The following BMPR1B variants were observed in gnomAD, a reference collection of about 807,000 sequenced individuals.
BMPR1B encodes the protein bone morphogenetic protein receptor type-1B.
Under a neutral mutation model 59.1 loss-of-function variants are expected in BMPR1B, and 12 were observed. The ratio of observed to expected loss-of-function variants is 0.20; its 90% CI spans 0.13 to 0.33. The LOEUF is 0.33. Ranked by LOEUF, BMPR1B falls within the 10% of genes least tolerant of loss-of-function variation. BMPR1B has a pLI of 1.00. For synonymous variants in BMPR1B, 237 were observed against 207.3 expected (o/e 1.14, Z -1.23); for missense variants, 550 against 610.9 (o/e 0.90, Z 1.05).
intron 1 of BMPR1B, among the ~76,000 whole-genome samples, chr4:94,785,402 G>A (rs999436574): frequency 1.7e-4 from 26 of 152,180 alleles, no homozygotes; most frequent in African/African-American, 6.0e-4. Context: ...TAGTCGTCAG[G>A]GAGCTGACAA....
At chr4:94,986,054 T>C in intron 2 of BMPR1B, among the ~76,000 whole-genome samples, 1 of 152,176 alleles carries the variant, frequency 6.6e-6, no homozygotes, top group East Asian at 1.9e-4. Flanking sequence ...GGGGGCAGTT[T>C]GTATATATTT....
At chr4:95,105,715 T>G (rs1216381561) in intron 4 of BMPR1B, among the ~76,000 whole-genome samples, 1 of 152,040 alleles carries the variant, frequency 6.6e-6, no homozygotes, top group East Asian at 1.9e-4. Flanking sequence ...AGAGGTCTAG[T>G]AACTTGACTC....
chr4:94,928,354 C>T (rs889415834), intron 2 of BMPR1B, among the ~76,000 whole-genome samples: 10 of 151,746 alleles, frequency 6.6e-5, no homozygotes, highest in South Asian at 2.1e-4. Context: ...GCAAATCTTC[C>T]GAATGGGTGT....
At chr4:94,801,145 C>T (rs1027383701) in intron 1 of BMPR1B, among the ~76,000 whole-genome samples, 1 of 152,166 alleles carries the variant, frequency 6.6e-6, no homozygotes, top group Non-Finnish European at 1.5e-5. Flanking sequence ...GACTCACCAC[C>T]CCTTCCTGCC....
At chr4:94,912,002 G>A (rs1728291672) in intron 2 of BMPR1B, among the ~76,000 whole-genome samples, 1 of 152,138 alleles carries the variant, frequency 6.6e-6, no homozygotes. Flanking sequence ...ACAGTTCCAT[G>A]TGGCTAGGGG....
At chr4:94,901,854 A>G (rs1727819847) in intron 2 of BMPR1B, among the ~76,000 whole-genome samples, 1 of 151,956 alleles carries the variant, frequency 6.6e-6, no homozygotes, top group African/African-American at 2.4e-5. Context: ...TCTCCTGAAC[A>G]TGGGCAAGAA....
At chr4:95,128,429 A>G (rs906493274) in intron 8 of BMPR1B, among the ~76,000 whole-genome samples, 3 of 152,354 alleles carry the variant, frequency 2.0e-5, no homozygotes, top group Admixed American at 6.5e-5. Context: ...AATTATATAA[A>G]TTGTAATAGA....
At chr4:94,912,597 C>G (rs914260957) in intron 2 of BMPR1B, among the ~76,000 whole-genome samples, 5 of 152,094 alleles carry the variant, frequency 3.3e-5, no homozygotes, top group African/African-American at 9.7e-5. Flanking sequence ...CACCTAAATG[C>G]AAAGGAAGAT....
At chr4:95,127,866 A>G (rs1348583036) in intron 8 of BMPR1B, among the ~76,000 whole-genome samples, 1 of 151,494 alleles carries the variant, frequency 6.6e-6, no homozygotes, top group East Asian at 1.9e-4. Context: ...TCCCCCCAAA[A>G]TGTTCATGCC....
chr4:95,062,439 T>G (rs1300132745), intron 3 of BMPR1B, among the ~76,000 whole-genome samples: 2 of 152,210 alleles, frequency 1.3e-5, no homozygotes, highest in Non-Finnish European at 2.9e-5. Flanking sequence ...ACCTAAAATA[T>G]CTCATTATCT....
chr4:94,946,098 A>G lies in BMPR1B; in HGVS notation c.-112-49942A>G, dbSNP rs546696655. The stretch of plus-strand genomic sequence containing the variant: ...ATAAATCTAAACTCTTAGAATAACA[A>G]TAATCTTGCAAATATTCATGTACTA... On this transcript the variant is annotated intron_variant, in intron 2 of 12. Coordinates refer to ENST00000515059, the MANE Select transcript of BMPR1B (RefSeq NM_001203.3). Among the ~76,000 whole-genome samples, 201 of 152,296 alleles carry G rather than the reference A, an allele frequency of 1.3e-3. No homozygotes were observed. The Middle Eastern group carries it at 0.014, about 10-fold the overall frequency.
chr4:94,806,781 G>C (rs1418078396), intron 1 of BMPR1B, among the ~76,000 whole-genome samples: 1 of 152,106 alleles, frequency 6.6e-6, no homozygotes, highest in African/African-American at 2.4e-5. Flanking sequence ...GTCCCAAATA[G>C]TGTGTGGGAC....
chr4:95,036,058 T>G (rs1725219565), intron 3 of BMPR1B, among the ~76,000 whole-genome samples: 1 of 152,080 alleles, frequency 6.6e-6, no homozygotes, highest in South Asian at 2.1e-4. Context: ...TAAAAGGAGT[T>G]GAGTTCTTGA....
rs141518043 is a variant in BMPR1B, at chr4:94,907,759, T to G, written c.-113+31859T>G. Among the ~76,000 whole-genome samples the G allele has an allele frequency of 7.1e-3, 1,079 of 152,036 alleles. 12 individuals carry two copies. Among genetic ancestry groups the G allele is most frequent in the African/African-American group, 0.02 (822 of 41,510 alleles). On this transcript the variant is annotated intron_variant, in intron 2 of 12. Transcript: ENST00000515059. ...GTCATTAATCTATTAATTCATTCAG[T>G]GAAGAGATGCCAACTTGTATACTAG...
At chr4:94,999,049 G>T (rs1722264991) in intron 3 of BMPR1B, among the ~76,000 whole-genome samples, 1 of 152,104 alleles carries the variant, frequency 6.6e-6, no homozygotes, top group African/African-American at 2.4e-5. Flanking sequence ...AGAAAGTCCT[G>T]CTGGTCTAAT....
chr4:95,128,583 A>G (rs1733073090), intron 8 of BMPR1B, among the ~76,000 whole-genome samples: 1 of 152,026 alleles, frequency 6.6e-6, no homozygotes, highest in South Asian at 2.1e-4. Context: ...CTTTGTCTGT[A>G]CTCCACTCTT....
At chr4:95,110,484 G>A (rs988138790) in intron 4 of BMPR1B, among the ~76,000 whole-genome samples, 1 of 152,020 alleles carries the variant, frequency 6.6e-6, no homozygotes, top group African/African-American at 2.4e-5. Context: ...TCCCAATACT[G>A]TGACCCCTCA....
At chr4:95,138,159 CTT>C in intron 10 of BMPR1B, among the ~76,000 whole-genome samples, 1 of 152,104 alleles carries the variant, frequency 6.6e-6, no homozygotes, top group South Asian at 2.1e-4. Context: ...TTCTCTTTCA[CTT>C]ATGAAGCTTA....
chr4:95,091,666 T>G (rs574955986), intron 3 of BMPR1B: 46 of 942,420 alleles, frequency 4.9e-5, no homozygotes, highest in South Asian at 1.5e-4. Context: ...ACAGAGACTG[T>G]TTTTTTTTTC....
Sources: allele counts gnomAD v4.1 joint callset (sites outside exome capture counted in the v4.1 genomes callset), GRCh38; gene constraint gnomAD v4.1.1; transcripts MANE v1.5; gene names NCBI Gene and HGNC (gene_info 2026-07-23, HGNC 2026-07-21).